KIF26B: variants seen among roughly 807,000 people sequenced by gnomAD.
KIF26B encodes kinesin family member 26B, also known as kinesin-like protein KIF26B.
KIF26B carries 63 observed loss-of-function variants against 151.2 expected under a neutral mutation model. The observed-to-expected ratio is 0.42, with a 90% confidence interval of 0.34 to 0.51. The LOEUF is 0.51. KIF26B is among the 20% of genes least tolerant of loss of function. The pLI, the probability that KIF26B is intolerant of heterozygous loss-of-function variation, is 0.07. For missense variants in KIF26B, 2,813 were observed against 2,913.6 expected, an observed-to-expected ratio of 0.97 and a Z score of 0.79; for synonymous variants, 1,357 against 1,262.1, an observed-to-expected ratio of 1.08 and a Z score of -1.59.
intron 3 of KIF26B, among the ~76,000 whole-genome samples, chr1:245,396,329 T>A (rs1673840297): frequency 6.8e-6 from 1 of 147,732 alleles, no homozygotes; most frequent in Non-Finnish European, 1.5e-5. Flanking sequence ...AGTTATACCT[T>A]TGAATAAAAT....
In KIF26B at chr1:245,201,562, A is replaced by G. The variant is rs183230637; in HGVS notation, c.465+44879A>G. The stretch of plus-strand genomic sequence containing the variant: ...TTGCACCTTTGTAACTTTTAAGACA[A>G]CAACCTAGAGGCAGAGGATAACTAC... On this transcript the variant is annotated intron_variant, in intron 2 of 14. Coordinates refer to ENST00000407071, the MANE Select transcript of KIF26B (RefSeq NM_018012.4). 1.9e-3 allele frequency among the ~76,000 whole-genome samples: 287 copies of G among 152,338 alleles called. 1 individual carries two copies. The highest frequency in any genetic ancestry group is 0.01 in the Middle Eastern group (3 of 294).
rs946609039 is a variant in KIF26B at position 245,490,364 on chromosome 1, T to G, written c.1167-50403T>G. Among the ~76,000 whole-genome samples the G allele has an allele frequency of 8.0e-5, 11 of 137,538 alleles. No homozygotes were observed. The East Asian group carries it at 2.3e-3, about 29-fold the overall frequency. 90.2% of individuals were successfully genotyped at this position (137,538 alleles called of 152,430 possible). ...GTCTTGCTCTGTCACCAGGCTGGAG[T>G]GCAGTGGCGCGATCTCGGCTCACTG... is the stretch of plus-strand genomic sequence containing the variant. On this transcript the variant is annotated intron_variant, in intron 4 of 14. Transcript: ENST00000407071.
At chr1:245,663,194 G>A (rs1339104310) in intron 10 of KIF26B, among the ~76,000 whole-genome samples, 2 of 135,428 alleles carry the variant, frequency 1.5e-5, no homozygotes, top group African/African-American at 2.8e-5. Flanking sequence ...AGTAAGCTGG[G>A]GCACTTACAA....
chr1:245,438,880 G>A (rs1055461958), intron 4 of KIF26B, among the ~76,000 whole-genome samples: 2 of 152,168 alleles, frequency 1.3e-5, no homozygotes, highest in Non-Finnish European at 2.9e-5. Context: ...CATATCAGTG[G>A]TTGATGGGAA....
chr1:245,686,724 C>A lies in KIF26B; in HGVS notation c.3741C>A (p.Pro1247=). Residue 1247 remains proline (P), a synonymous_variant, in exon 12 of 15, where the codon CCC becomes CCA. Transcript: ENST00000407071. The surrounding 1 kb of genome is among the most constrained non-coding windows in gnomAD (Gnocchi z 5.6). ...TGGAGTGCTACTCCAGCACGGCCCCCGTCTCCGAGGTCAGCATCACACAGT... is the reference window on the plus strand; with the variant it reads ...TGGAGTGCTACTCCAGCACGGCCCCAGTCTCCGAGGTCAGCATCACACAGT... The part of the protein sequence containing the change: ...EDLECYSSTA[P]VSEVSITQFL... 1.2e-6 allele frequency: 2 copies of A among 1,613,498 alleles called. No individual in the cohort carries two copies. Among genetic ancestry groups the A allele is most frequent in the Non-Finnish European group, 1.7e-6 (2 of 1,179,794 alleles).
At chr1:245,308,083 C>T (rs1440119410) in intron 2 of KIF26B, among the ~76,000 whole-genome samples, 1 of 152,140 alleles carries the variant, frequency 6.6e-6, no homozygotes, top group Non-Finnish European at 1.5e-5. Flanking sequence ...AATAGAATCT[C>T]AGAATTCTGT....
intron 10 of KIF26B, among the ~76,000 whole-genome samples, chr1:245,655,724 G>C (rs1010394913): frequency 6.6e-6 from 1 of 152,146 alleles, no homozygotes; most frequent in African/African-American, 2.4e-5. Flanking sequence ...TTTTTCATAC[G>C]GCCTTTAAAT....
chr1:245,499,730 G>A (rs1213123966), intron 4 of KIF26B, among the ~76,000 whole-genome samples: 18 of 152,218 alleles, frequency 1.2e-4, no homozygotes, highest in Admixed American at 9.8e-4. Flanking sequence ...ATGGCACTCC[G>A]TTAGCCAATT....
chr1:245,527,523 G>GTTTTTTTTTTTTTTTT (rs1219756621), intron 4 of KIF26B, among the ~76,000 whole-genome samples: 1 of 40,528 alleles, frequency 2.5e-5, no homozygotes, highest in African/African-American at 9.0e-5. Flanking sequence ...CTTTGGGATG[G>GTTTTTTTTTTTTTTTT]CTTTTTTTTT....
chr1:245,682,776 A>G (rs1189941533), intron 10 of KIF26B, among the ~76,000 whole-genome samples: 1 of 152,258 alleles, frequency 6.6e-6, no homozygotes, highest in Non-Finnish European at 1.5e-5. Context: ...ACAGAGCCCA[A>G]GACGCATCCA....
chr1:245,212,801 T>C (rs367683012), intron 2 of KIF26B, among the ~76,000 whole-genome samples: 1 of 152,226 alleles, frequency 6.6e-6, no homozygotes, highest in Non-Finnish European at 1.5e-5. Flanking sequence ...CACTCTTTAG[T>C]AGAGTCCCGT....
intron 4 of KIF26B, among the ~76,000 whole-genome samples, chr1:245,492,461 C>T (rs1286813377): frequency 6.6e-6 from 1 of 152,254 alleles, no homozygotes; most frequent in Non-Finnish European, 1.5e-5. Flanking sequence ...CTCAGTTTCT[C>T]TTTGTGTATA....
chr1:245,192,189 T>G (rs1414749702), intron 2 of KIF26B, among the ~76,000 whole-genome samples: 1 of 152,238 alleles, frequency 6.6e-6, no homozygotes, highest in Non-Finnish European at 1.5e-5. Flanking sequence ...TCAATCTATT[T>G]GATCAAATGC....
At position 245,687,609 on chromosome 1, in the gene KIF26B, GAAGGCC is replaced by G; in HGVS notation, c.4628_4633del (p.Lys1543_Ala1544del). On this transcript the variant is annotated inframe_deletion, in exon 12 of 15. Transcript: ENST00000407071. The surrounding 1 kb of genome is among the most constrained non-coding windows in gnomAD (Gnocchi z 4.9). The stretch of plus-strand genomic sequence containing the variant: ...CCAGCAGCCTTCCCAGGGCCTTTCA[GAAGGCC>G]AGCCGGCAGGAGGAGCCGGACAGCC... 1 of 1,563,694 alleles carries G rather than the reference GAAGGCC, an allele frequency of 6.4e-7. No individual in the cohort carries two copies. The highest frequency in any genetic ancestry group is 8.7e-7 in the Non-Finnish European group (1 of 1,154,446).
chr1:245,655,471 T>A (rs541481597), intron 10 of KIF26B, among the ~76,000 whole-genome samples: 1 of 152,352 alleles, frequency 6.6e-6, no homozygotes, highest in Admixed American at 6.5e-5. Context: ...ATGCATTTAT[T>A]CAATGAGAGT....
At chr1:245,592,080 G>A (rs941107815) in intron 5 of KIF26B, among the ~76,000 whole-genome samples, 3 of 152,134 alleles carry the variant, frequency 2.0e-5, no homozygotes, top group Non-Finnish European at 2.9e-5. Context: ...TCTCATTACC[G>A]GGCTCCATTC....
intron 4 of KIF26B, among the ~76,000 whole-genome samples, chr1:245,499,488 T>G (rs763320248): frequency 6.6e-6 from 1 of 152,192 alleles, no homozygotes; most frequent in Non-Finnish European, 1.5e-5. Context: ...TAGAGATTAT[T>G]ATCTGATTTT....
chr1:245,587,289 T>C (rs1049774606), intron 5 of KIF26B, among the ~76,000 whole-genome samples: 15 of 152,314 alleles, frequency 9.8e-5, no homozygotes, highest in African/African-American at 3.6e-4. Context: ...TCTTTTGTAC[T>C]ACTCTATTAT....
Position 245,706,968 on chromosome 1 carries a change from G to A in KIF26B, c.*4362G>A, listed in dbSNP as rs913385727. ...CTCCAGAAAGTATCTGTCAACATTG[G>A]TGGGTAACAGCTTATAAAGTGCATC... On this transcript the variant is annotated 3_prime_UTR_variant, in exon 15 of 15. Coordinates refer to ENST00000407071, the MANE Select transcript of KIF26B (RefSeq NM_018012.4). 3.3e-5 allele frequency: 5 copies of A among 152,184 alleles called. No individual in the cohort carries two copies. Among genetic ancestry groups the A allele is most frequent in the African/African-American group, 1.2e-4 (5 of 41,440 alleles). 9.4% of individuals were successfully genotyped at this position (152,184 alleles called of 1,614,324 possible). A position where few individuals can be genotyped will look rare whatever the true frequency, so the allele number is the denominator to read the frequency against.
Sources: gnomAD v4.1 joint callset for allele counts (sites outside exome capture counted in the v4.1 genomes callset) on GRCh38, gnomAD v4.1.1 for gene constraint, Gnocchi (gnomAD v3.1) non-coding constraint, MANE v1.5 for transcripts, NCBI Gene and HGNC (gene_info 2026-07-23, HGNC 2026-07-21) for gene names.